PLCXD3: variants seen among roughly 807,000 people sequenced by gnomAD.
PLCXD3 encodes PI-PLC X domain-containing protein 3.
Under a neutral mutation model 25.5 loss-of-function variants are expected in PLCXD3, and 19 were observed. That is an observed-to-expected ratio of 0.75 (90% CI 0.52 to 1.09). The LOEUF (loss-of-function observed/expected upper bound fraction) is 1.09, where lower values mean the gene tolerates loss of function less well. PLCXD3 is among the 50% of genes least tolerant of loss of function. PLCXD3 has a pLI of 0.00. For synonymous variants in PLCXD3, 174 were observed against 137.6 expected (o/e 1.26, Z -1.85); for missense variants, 411 against 388.1 (o/e 1.06, Z -0.50).
At chr5:41,360,500 G>C (rs1383027376) in intron 2 of PLCXD3, among the ~76,000 whole-genome samples, 1 of 152,204 alleles carries the variant, frequency 6.6e-6, no homozygotes, top group African/African-American at 2.4e-5. Context: ...TCAGAGGGAA[G>C]ACTTGGGACT....
At chr5:41,356,386 A>C (rs1052586272) in intron 2 of PLCXD3, among the ~76,000 whole-genome samples, 3 of 152,258 alleles carry the variant, frequency 2.0e-5, no homozygotes, top group African/African-American at 7.2e-5. Flanking sequence ...GGATGGTTAC[A>C]GGATAATTTG....
At chr5:41,379,694 T>C (rs1745398182) in intron 2 of PLCXD3, among the ~76,000 whole-genome samples, 1 of 152,068 alleles carries the variant, frequency 6.6e-6, no homozygotes, top group African/African-American at 2.4e-5. Context: ...ATGTACATTA[T>C]TGTGATTATA....
chr5:41,335,068 T>C (rs1246936267), intron 2 of PLCXD3, among the ~76,000 whole-genome samples: 2 of 152,190 alleles, frequency 1.3e-5, no homozygotes, highest in Non-Finnish European at 2.9e-5. Flanking sequence ...TGGGATCACA[T>C]GTTCTCACTT....
At chr5:41,490,450 A>C (rs951660170) in intron 1 of PLCXD3, among the ~76,000 whole-genome samples, 1 of 152,146 alleles carries the variant, frequency 6.6e-6, no homozygotes, top group African/African-American at 2.4e-5. Context: ...CTGGCCTCAT[A>C]AAATGAGTTA....
At position 41,313,422 on chromosome 5, in the gene PLCXD3, G is replaced by T; in HGVS notation, c.*195C>A. On this transcript the variant is annotated 3_prime_UTR_variant, in exon 3 of 3. Transcript: ENST00000377801. Reference sequence around the variant, plus strand: ...GAAGTAGATTTTGCTCATCAAATGGGAAATGAAATATTTATAGTAATGAAG... The same window carrying T: ...GAAGTAGATTTTGCTCATCAAATGGTAAATGAAATATTTATAGTAATGAAG... 2 of 508,300 alleles carry T rather than the reference G, an allele frequency of 3.9e-6. No individual in the cohort carries two copies. Among genetic ancestry groups the T allele is most frequent in the South Asian group, 3.6e-5 (1 of 27,516 alleles). The allele number at this position is 508,300 out of a possible 1,614,324, so 31.5% of individuals were successfully genotyped here.
intron 2 of PLCXD3, among the ~76,000 whole-genome samples, chr5:41,321,390 A>G (rs1743466619): frequency 6.6e-6 from 1 of 152,200 alleles, no homozygotes; most frequent in African/African-American, 2.4e-5. Flanking sequence ...AAAAAGTGAA[A>G]GAGCTCTATA....
At chr5:41,329,904 C>A (rs1561234000) in intron 2 of PLCXD3, among the ~76,000 whole-genome samples, 1 of 150,522 alleles carries the variant, frequency 6.6e-6, no homozygotes, top group Non-Finnish European at 1.5e-5. Context: ...ATGTCAAATT[C>A]TTTTTTAAGT....
In PLCXD3 at chr5:41,344,663, T is replaced by C. The variant is rs544876487; in HGVS notation, c.813-30893A>G. Among the ~76,000 whole-genome samples, 12 of 151,956 alleles carry C rather than the reference T, an allele frequency of 7.9e-5. No homozygotes were observed. The South Asian group carries it at 1.2e-3, about 16-fold the overall frequency. ...AAGATCATTTATGGACAAGAAATTA[T>C]ATGAATTACTAAAAATTACAATATT... is the stretch of plus-strand genomic sequence containing the variant. On this transcript the variant is annotated intron_variant, in intron 2 of 2. Coordinates refer to ENST00000377801, the MANE Select transcript of PLCXD3 (RefSeq NM_001005473.3).
At chr5:41,355,182 G>T (rs113633658) in intron 2 of PLCXD3, among the ~76,000 whole-genome samples, 1 of 152,158 alleles carries the variant, frequency 6.6e-6, no homozygotes, top group Admixed American at 6.5e-5. Context: ...TCTACCAAGA[G>T]TGTAGAAATA....
chr5:41,446,273 C>A (rs1747501949), intron 1 of PLCXD3, among the ~76,000 whole-genome samples: 1 of 150,026 alleles, frequency 6.7e-6, no homozygotes. Context: ...TTGCTTGGCT[C>A]CTTCCTACCA....
chr5:41,487,551 A>G (rs755737671), intron 1 of PLCXD3, among the ~76,000 whole-genome samples: 5 of 152,248 alleles, frequency 3.3e-5, no homozygotes, highest in African/African-American at 4.8e-5. Flanking sequence ...AAAAACATAT[A>G]AACAAATAAA....
chr5:41,391,482 A>C (rs1029366212), intron 1 of PLCXD3, among the ~76,000 whole-genome samples: 6 of 152,172 alleles, frequency 3.9e-5, no homozygotes, highest in Non-Finnish European at 1.5e-5. Context: ...GCTGCCTTGA[A>C]GAAAGAGATG....
chr5:41,491,482 G>C (rs1456423478), intron 1 of PLCXD3, among the ~76,000 whole-genome samples: 1 of 152,072 alleles, frequency 6.6e-6, no homozygotes, highest in Admixed American at 6.5e-5. Flanking sequence ...CAATTCCTGG[G>C]TATCCTTGTT....
intron 1 of PLCXD3, among the ~76,000 whole-genome samples, chr5:41,474,451 T>C (rs318043): frequency 0.23 from 34,835 of 152,140 alleles, 4,589 homozygotes; most frequent in African/African-American, 0.34. Flanking sequence ...GAATTGATCA[T>C]GACCCTCATT....
intron 1 of PLCXD3, among the ~76,000 whole-genome samples, chr5:41,419,864 T>A (rs920735959): frequency 2.6e-5 from 4 of 152,204 alleles, no homozygotes; most frequent in African/African-American, 4.8e-5. Context: ...CTTAGCACTG[T>A]GCTTAAGTGC....
intron 1 of PLCXD3, among the ~76,000 whole-genome samples, chr5:41,410,999 G>A (rs1295530744): frequency 2.0e-5 from 3 of 152,130 alleles, no homozygotes; most frequent in African/African-American, 7.2e-5. Context: ...TATGTGGGAA[G>A]ACAGAACACA....
intron 1 of PLCXD3, among the ~76,000 whole-genome samples, chr5:41,499,894 T>C (rs556171826): frequency 2.0e-5 from 3 of 151,940 alleles, no homozygotes; most frequent in Admixed American, 2.0e-4. Context: ...GAAAGGATAG[T>C]CTCTTTGATA....
chr5:41,357,709 C>T (rs562883211), intron 2 of PLCXD3, among the ~76,000 whole-genome samples: 14 of 152,184 alleles, frequency 9.2e-5, no homozygotes, highest in Admixed American at 3.3e-4. Flanking sequence ...ATTACAGAAT[C>T]GCTACAATAG....
chr5:41,510,588 G>A lies in PLCXD3; in HGVS notation c.-62C>T. On this transcript the variant is annotated 5_prime_UTR_variant, in exon 1 of 3. Transcript: ENST00000377801. ...TCCTCGGGCAGGCTGGCAGGCTGCT[G>A]CCGCTAATCCAATGTTTGCTCTAGC... is the stretch of plus-strand genomic sequence containing the variant. 2 of 1,317,746 alleles carry A rather than the reference G, an allele frequency of 1.5e-6. No homozygotes were observed. The highest frequency in any genetic ancestry group is 2.4e-5 in the East Asian group (1 of 41,216). 81.6% of individuals were successfully genotyped at this position (1,317,746 alleles called of 1,614,324 possible).
Sources: allele counts gnomAD v4.1 joint callset (sites outside exome capture counted in the v4.1 genomes callset), GRCh38; gene constraint gnomAD v4.1.1; transcripts MANE v1.5; gene names NCBI Gene and HGNC (gene_info 2026-07-23, HGNC 2026-07-21).